EPHA6: variants seen among roughly 807,000 people sequenced by gnomAD.
EPHA6 encodes the protein EPH receptor A6.
Under a neutral mutation model 112.0 loss-of-function variants are expected in EPHA6, and 50 were observed. The ratio of observed to expected loss-of-function variants is 0.45; its 90% confidence interval spans 0.36 to 0.56. EPHA6 has a LOEUF of 0.56. Among genes scored for constraint, EPHA6 ranks in the 20% least tolerant of loss-of-function variants. EPHA6 has a pLI of 0.00. For synonymous variants in EPHA6, 529 were observed against 490.7 expected (o/e 1.08, Z -1.03); for missense variants, 1,280 against 1,417.4 (o/e 0.90, Z 1.56).
At chr3:96,883,057 G>T (rs1174972574) in intron 2 of EPHA6, among the ~76,000 whole-genome samples, 4 of 152,094 alleles carry the variant, frequency 2.6e-5, no homozygotes, top group African/African-American at 9.7e-5. Flanking sequence ...GTGTAGAAGT[G>T]TTCCCTGTTC....
intron 3 of EPHA6, among the ~76,000 whole-genome samples, chr3:97,152,932 C>G (rs557599253): frequency 6.6e-6 from 1 of 152,010 alleles, no homozygotes; most frequent in Admixed American, 6.6e-5. Context: ...TTTCATCATG[C>G]TATCATGATG....
Position 96,897,176 on chromosome 3 carries a change from A to G in EPHA6, c.450+30287A>G, listed in dbSNP as rs970049400. Among the ~76,000 whole-genome samples the G allele has an allele frequency of 2.0e-5, 3 of 151,254 alleles. No individual in the cohort carries two copies. The Admixed American group carries it at 2.0e-4, about 10-fold the overall frequency. On this transcript the variant is annotated intron_variant, in intron 2 of 17. Coordinates refer to ENST00000389672, the MANE Select transcript of EPHA6 (RefSeq NM_001080448.3). ...TACTACTTTTCAGGTAAACATACATATGCACATATATATCTATATATCTGT... is the reference window on the plus strand; with the variant it reads ...TACTACTTTTCAGGTAAACATACATGTGCACATATATATCTATATATCTGT...
At chr3:97,520,276 G>A (rs973967072) in intron 10 of EPHA6, among the ~76,000 whole-genome samples, 3 of 152,142 alleles carry the variant, frequency 2.0e-5, no homozygotes, top group Non-Finnish European at 4.4e-5. Context: ...TGTAGTGGTA[G>A]TAATTGAGAC....
Position 96,971,090 on chromosome 3 carries a change from C to T in EPHA6, c.451-16240C>T, listed in dbSNP as rs574944225. 3.4e-4 allele frequency among the ~76,000 whole-genome samples: 52 copies of T among 152,080 alleles called. No individual in the cohort carries two copies. In the East Asian group the frequency reaches 4.6e-3, roughly 14 times the overall value. On this transcript the variant is annotated intron_variant, in intron 2 of 17. Transcript: ENST00000389672. ...ATAATATTTGCAATATTTTATTTAT[C>T]GTTAAGTAAGAATCTCAACTTCGTA...
chr3:97,258,251 TACACAC>T (rs368778044), intron 5 of EPHA6, among the ~76,000 whole-genome samples: 23 of 147,332 alleles, frequency 1.6e-4, no homozygotes, highest in African/African-American at 4.1e-4. Flanking sequence ...TATATATATA[TACACAC>T]ACACACACAC....
intron 3 of EPHA6, among the ~76,000 whole-genome samples, chr3:97,142,797 AC>A (rs980471046): frequency 5.3e-5 from 8 of 151,888 alleles, no homozygotes; most frequent in African/African-American, 1.9e-4. Context: ...TACAATAAAA[AC>A]CCTCAACAAA....
chr3:97,050,148 T>G (rs2045639213), intron 3 of EPHA6, among the ~76,000 whole-genome samples: 1 of 152,156 alleles, frequency 6.6e-6, no homozygotes, highest in Non-Finnish European at 1.5e-5. Flanking sequence ...CGTGATGTGG[T>G]ATTCAGATAG....
intron 2 of EPHA6, among the ~76,000 whole-genome samples, chr3:96,867,304 A>T (rs1428350496): frequency 2.0e-5 from 3 of 151,830 alleles, no homozygotes; most frequent in Non-Finnish European, 2.9e-5. Flanking sequence ...TTTAATACAG[A>T]ATACAAGTCT....
chr3:97,651,692 A>G (rs1459629341), intron 14 of EPHA6, among the ~76,000 whole-genome samples: 4 of 152,026 alleles, frequency 2.6e-5, no homozygotes, highest in Non-Finnish European at 5.9e-5. Flanking sequence ...CCCTTTTCCC[A>G]TGATTTTAGA....
At chr3:96,974,272 G>A (rs1361068951) in intron 2 of EPHA6, among the ~76,000 whole-genome samples, 1 of 147,942 alleles carries the variant, frequency 6.8e-6, no homozygotes, top group East Asian at 1.9e-4. Flanking sequence ...TGGCTTTTTG[G>A]CCTAGTTTAT....
intron 16 of EPHA6, among the ~76,000 whole-genome samples, chr3:97,743,066 T>C (rs1049553468): frequency 6.6e-6 from 1 of 152,090 alleles, no homozygotes; most frequent in Non-Finnish European, 1.5e-5. Context: ...TGCCTCTTTC[T>C]CCACTCTGAA....
intron 3 of EPHA6, among the ~76,000 whole-genome samples, chr3:97,129,446 G>T (rs555557762): frequency 2.0e-5 from 3 of 151,784 alleles, no homozygotes; most frequent in South Asian, 4.1e-4. Context: ...AGCTTGCAGT[G>T]AGCCGAGATC....
intron 3 of EPHA6, among the ~76,000 whole-genome samples, chr3:97,054,895 T>C (rs1481366193): frequency 3.3e-5 from 5 of 152,072 alleles, no homozygotes; most frequent in African/African-American, 1.2e-4. Flanking sequence ...AGGGTAATGA[T>C]ACCTTCACTT....
intron 14 of EPHA6, among the ~76,000 whole-genome samples, chr3:97,642,660 C>T (rs920970817): frequency 7.7e-4 from 117 of 152,012 alleles, no homozygotes; most frequent in Admixed American, 1.6e-3. Context: ...TCTTAGGAGC[C>T]GATGCGATCA....
At chr3:97,481,684 CG>C (rs2091556744) in intron 9 of EPHA6, among the ~76,000 whole-genome samples, 1 of 150,824 alleles carries the variant, frequency 6.6e-6, no homozygotes, top group Non-Finnish European at 1.5e-5. Flanking sequence ...GGCCCCGCCC[CG>C]CACCGCCCCG....
chr3:97,267,554 C>T (rs931939365), intron 5 of EPHA6, among the ~76,000 whole-genome samples: 6 of 151,784 alleles, frequency 4.0e-5, no homozygotes, highest in South Asian at 4.2e-4. Context: ...AATGCATAAA[C>T]GAAAAAAATC....
intron 12 of EPHA6, among the ~76,000 whole-genome samples, chr3:97,609,321 A>G (rs1290569206): frequency 2.6e-5 from 4 of 151,374 alleles, no homozygotes; most frequent in Non-Finnish European, 4.4e-5. Flanking sequence ...CAGTGTTTCT[A>G]TCAGTCTCCT....
chr3:97,110,794 G>T (rs1168006146), intron 3 of EPHA6, among the ~76,000 whole-genome samples: 1 of 151,974 alleles, frequency 6.6e-6, no homozygotes, highest in Non-Finnish European at 1.5e-5. Context: ...CTCCCAAATT[G>T]CTGGGGTTAT....
rs181026071 is a variant in EPHA6 at position 97,614,632 on chromosome 3, G to A, written c.2574+3778G>A. On this transcript the variant is annotated intron_variant, in intron 13 of 17. Coordinates refer to ENST00000389672, the MANE Select transcript of EPHA6 (RefSeq NM_001080448.3). The stretch of plus-strand genomic sequence containing the variant: ...CTTCCAAAGTGCTGGGATTACAGGC[G>A]TGAGCCACTGTCCCTGGCCTATACT... Among the ~76,000 whole-genome samples, 114 of 151,632 alleles carry A rather than the reference G, an allele frequency of 7.5e-4. 2 individuals are homozygous for A. Among genetic ancestry groups the A allele is most frequent in the Non-Finnish European group, 1.2e-3 (80 of 67,910 alleles).
Sources: allele counts gnomAD v4.1 joint callset (sites outside exome capture counted in the v4.1 genomes callset), GRCh38; gene constraint gnomAD v4.1.1; transcripts MANE v1.5; gene names NCBI Gene and HGNC (gene_info 2026-07-23, HGNC 2026-07-21).